The following AFF3 variants were observed in gnomAD, a reference collection of about 807,000 sequenced individuals.
The protein encoded by AFF3 is AF4/FMR2 family member 3.
Under a neutral mutation model 129.7 loss-of-function variants are expected in AFF3, and 32 were observed. The observed-to-expected ratio is 0.25, with a 90% CI of 0.19 to 0.33. The LOEUF (loss-of-function observed/expected upper bound fraction) is 0.33, where lower values mean the gene tolerates loss of function less well. Among genes scored for constraint, AFF3 ranks in the 10% least tolerant of loss-of-function variants. The probability of loss-of-function intolerance (pLI) is 1.00; values close to 1 mark genes in which losing one functional copy is unlikely to be tolerated. For synonymous variants in AFF3, 644 were observed against 635.4 expected, an observed-to-expected ratio of 1.01 and a Z score of -0.20; for missense variants, 1,373 against 1,592.0, an observed-to-expected ratio of 0.86 and a Z score of 2.34.
chr2:99,935,158 C>T (rs1471370357), intron 7 of AFF3, among the ~76,000 whole-genome samples: 4 of 152,196 alleles, frequency 2.6e-5, no homozygotes, highest in Non-Finnish European at 4.4e-5. Context: ...CCTTCTCTTG[C>T]ACATGTGGCA....
At chr2:99,727,837 C>T (rs1679486576) in intron 10 of AFF3, among the ~76,000 whole-genome samples, 1 of 152,190 alleles carries the variant, frequency 6.6e-6, no homozygotes, top group Admixed American at 6.5e-5. Flanking sequence ...GTTGGAATTA[C>T]AGGCGTGAAC....
chr2:99,619,397 T>G (rs1681770413), intron 13 of AFF3, among the ~76,000 whole-genome samples: 1 of 152,232 alleles, frequency 6.6e-6, no homozygotes, highest in South Asian at 2.1e-4. Flanking sequence ...TTAGCTGTCA[T>G]AAACCAAGCT....
At chr2:99,674,263 C>T (rs1305060988) in intron 11 of AFF3, among the ~76,000 whole-genome samples, 1 of 152,182 alleles carries the variant, frequency 6.6e-6, no homozygotes, top group East Asian at 1.9e-4. Flanking sequence ...TCCTTCACCT[C>T]ACAGACACAT....
chr2:100,060,714 C>T (rs1272258204), intron 4 of AFF3, among the ~76,000 whole-genome samples: 1 of 152,182 alleles, frequency 6.6e-6, no homozygotes, highest in Non-Finnish European at 1.5e-5. Flanking sequence ...ATACCCCTCA[C>T]TTGGTTTATT....
chr2:99,805,539 ATTT>A (rs1315909762), intron 8 of AFF3, among the ~76,000 whole-genome samples: 1 of 152,158 alleles, frequency 6.6e-6, no homozygotes, highest in Non-Finnish European at 1.5e-5. Flanking sequence ...AATCATTACA[ATTT>A]GTTGCCTGAG....
chr2:99,775,997 C>T (rs185563796), intron 8 of AFF3, among the ~76,000 whole-genome samples: 1 of 152,000 alleles, frequency 6.6e-6, no homozygotes, highest in African/African-American at 2.4e-5. Context: ...TAAAATAAAC[C>T]CGATGCTTTA....
intron 8 of AFF3, among the ~76,000 whole-genome samples, chr2:99,818,685 T>G (rs1233112108): frequency 2.0e-5 from 3 of 152,208 alleles, no homozygotes; most frequent in Admixed American, 6.5e-5. Context: ...GTTCAAGCAA[T>G]CTACCAAGTT....
At chr2:99,956,377 A>G (rs1377614023) in intron 7 of AFF3, among the ~76,000 whole-genome samples, 1 of 152,088 alleles carries the variant, frequency 6.6e-6, no homozygotes, top group African/African-American at 2.4e-5. Context: ...CCTGAAGCAG[A>G]GCTGAAATGG....
chr2:99,990,106 C>T (rs531867252), intron 7 of AFF3, among the ~76,000 whole-genome samples: 1 of 152,162 alleles, frequency 6.6e-6, no homozygotes, highest in South Asian at 2.1e-4. Context: ...AAGGGCCTTA[C>T]ATGAGTGAGG....
chr2:99,719,265 T>C (rs1483060652), intron 11 of AFF3, among the ~76,000 whole-genome samples: 1 of 152,132 alleles, frequency 6.6e-6, no homozygotes, highest in East Asian at 1.9e-4. Flanking sequence ...TTTCTAATGG[T>C]AAACCAACCA....
intron 13 of AFF3, among the ~76,000 whole-genome samples, chr2:99,618,671 T>C (rs962821042): frequency 6.6e-6 from 1 of 152,232 alleles, no homozygotes; most frequent in South Asian, 2.1e-4. Context: ...CCAGTTTACC[T>C]GCATTATTAA....
At chr2:100,069,835 T>C (rs955911129) in intron 4 of AFF3, among the ~76,000 whole-genome samples, 4 of 152,228 alleles carry the variant, frequency 2.6e-5, no homozygotes, top group African/African-American at 9.6e-5. Context: ...TCTTTTATAA[T>C]AATCAGAAGC....
chr2:99,802,922 C>T (rs994050261), intron 8 of AFF3, among the ~76,000 whole-genome samples: 2 of 152,070 alleles, frequency 1.3e-5, no homozygotes, highest in Admixed American at 1.3e-4. Flanking sequence ...GTTTGACTTC[C>T]TCTTTTCCAA....
rs552989808 is a variant in AFF3 at position 99,549,029 on chromosome 2, C to A, written c.*2445G>T. On this transcript the variant is annotated 3_prime_UTR_variant, in exon 25 of 25. Transcript: ENST00000672756. ...GTGCTGATAAAACACTGCTGGCCCA[C>A]CTGTCAAATGGGGCTTCACAGGGAA... is the stretch of plus-strand genomic sequence containing the variant. 1 of 229,378 alleles carries A rather than the reference C, an allele frequency of 4.4e-6. No individual in the cohort carries two copies. The highest frequency in any genetic ancestry group is 6.2e-5 in the East Asian group (1 of 16,096). The allele number at this position is 229,378 out of a possible 1,614,324, so 14.2% of individuals were successfully genotyped here.
chr2:99,731,515 C>T (rs1375446197), intron 10 of AFF3, among the ~76,000 whole-genome samples: 3 of 152,194 alleles, frequency 2.0e-5, no homozygotes, highest in South Asian at 4.1e-4. Flanking sequence ...ATCCTTCCCT[C>T]CCACCTCCCC....
At chr2:99,582,653 G>A (rs763684836) in intron 17 of AFF3, 145 bp downstream of exon 17, 6 of 818,578 alleles carry the variant, frequency 7.3e-6, no homozygotes. Context: ...GCTGTCCTCT[G>A]TTGGGTCTTC....
intron 3 of AFF3, 175 bp downstream of exon 3, chr2:100,105,329 A>G: frequency 1.2e-5 from 14 of 1,207,256 alleles, no homozygotes; most frequent in Non-Finnish European, 1.3e-5. Flanking sequence ...AGCGCCCCAA[A>G]CAAACCGTTT....
intron 4 of AFF3, among the ~76,000 whole-genome samples, chr2:100,086,503 G>T (rs1032478934): frequency 6.6e-6 from 1 of 152,196 alleles, no homozygotes; most frequent in Admixed American, 6.5e-5. Flanking sequence ...CCTGGTGACA[G>T]AGTGAGACTC....
intron 8 of AFF3, among the ~76,000 whole-genome samples, chr2:99,775,008 C>T (rs910028120): frequency 1.6e-4 from 24 of 152,206 alleles, no homozygotes; most frequent in African/African-American, 5.5e-4. Context: ...CATCATTGAT[C>T]ATTAGAGAAA....
Sources: gnomAD v4.1 joint callset for allele counts (sites outside exome capture counted in the v4.1 genomes callset) on GRCh38, gnomAD v4.1.1 for gene constraint, MANE v1.5 for transcripts, NCBI Gene and HGNC (gene_info 2026-07-23, HGNC 2026-07-21) for gene names.